ARB2A: variants seen among roughly 807,000 people sequenced by gnomAD.
ARB2A encodes ARB2 cotranscriptional regulator A.
At chr5:94,072,366 A>ACG in the ARB2A span, among the ~76,000 whole-genome samples, 1 of 152,028 alleles carries the variant, frequency 6.6e-6, no homozygotes. Flanking sequence ...ACTCACACAC[A>ACG]CACACACACA....
At chr5:93,885,808 AT>A in the ARB2A span, among the ~76,000 whole-genome samples, 1 of 151,690 alleles carries the variant, frequency 6.6e-6, no homozygotes, top group African/African-American at 2.4e-5. Flanking sequence ...TAGACATAGC[AT>A]TTTATTCAGC....
the ARB2A span, among the ~76,000 whole-genome samples, chr5:93,822,470 G>A: frequency 6.6e-6 from 1 of 152,170 alleles, no homozygotes; most frequent in African/African-American, 2.4e-5. Flanking sequence ...TTAAAAAATG[G>A]GAATTTATGT....
chr5:94,067,318 A>G, the ARB2A span, among the ~76,000 whole-genome samples: 1 of 152,218 alleles, frequency 6.6e-6, no homozygotes, highest in African/African-American at 2.4e-5. Flanking sequence ...CCTATTCAGC[A>G]TGGTACAGAA....
chr5:94,034,937 A>T, the ARB2A span, among the ~76,000 whole-genome samples: 1 of 152,156 alleles, frequency 6.6e-6, no homozygotes, highest in Non-Finnish European at 1.5e-5. Context: ...CACGCAAGGG[A>T]TCTAGGTTGC....
the ARB2A span, chr5:93,910,694 G>T: frequency 2.6e-5 from 4 of 151,368 alleles, no homozygotes; most frequent in Non-Finnish European, 4.4e-5. Context: ...TAGCACAAAA[G>T]CTCTTTCTTT....
At chr5:93,690,718 A>G in the ARB2A span, among the ~76,000 whole-genome samples, 1 of 151,996 alleles carries the variant, frequency 6.6e-6, no homozygotes, top group African/African-American at 2.4e-5. Flanking sequence ...GGGACAGACT[A>G]CCTCCTCAAG....
At chr5:94,050,874 T>C in the ARB2A span, 6 of 1,292,250 alleles carry the variant, frequency 4.6e-6, no homozygotes, top group East Asian at 2.3e-5. Flanking sequence ...TCAAAGTATA[T>C]TGACAATAAT....
At chr5:93,793,998 G>A in the ARB2A span, among the ~76,000 whole-genome samples, 1 of 152,244 alleles carries the variant, frequency 6.6e-6, no homozygotes, top group Non-Finnish European at 1.5e-5. Flanking sequence ...GACAGCTGAA[G>A]GATGTCTGCT....
At chr5:93,695,704 T>C in the ARB2A span, among the ~76,000 whole-genome samples, 2 of 152,176 alleles carry the variant, frequency 1.3e-5, no homozygotes, top group Non-Finnish European at 2.9e-5. Flanking sequence ...CAAAGGATTA[T>C]AAATCATTCT....
chr5:93,840,353 C>T, the ARB2A span, among the ~76,000 whole-genome samples: 1 of 152,228 alleles, frequency 6.6e-6, no homozygotes, highest in Admixed American at 6.5e-5. Flanking sequence ...ATATAGCTGA[C>T]AAACGATAAA....
chr5:93,878,133 G>T, the ARB2A span, among the ~76,000 whole-genome samples: 1 of 152,086 alleles, frequency 6.6e-6, no homozygotes, highest in Non-Finnish European at 1.5e-5. Flanking sequence ...AACAATTGTA[G>T]TGCTGTTTGA....
At chr5:94,033,214 C>T in the ARB2A span, among the ~76,000 whole-genome samples, 1 of 152,128 alleles carries the variant, frequency 6.6e-6, no homozygotes, top group Non-Finnish European at 1.5e-5. Flanking sequence ...TTCTTTATAA[C>T]AGTGTGAGAA....
chr5:94,024,278 T>G, the ARB2A span, among the ~76,000 whole-genome samples: 1 of 152,068 alleles, frequency 6.6e-6, no homozygotes, highest in Non-Finnish European at 1.5e-5. Flanking sequence ...CTTAGCAAAA[T>G]AAAGGCTGAC....
chr5:94,101,870 T>C, the ARB2A span, among the ~76,000 whole-genome samples: 1 of 151,786 alleles, frequency 6.6e-6, no homozygotes, highest in Non-Finnish European at 1.5e-5. Flanking sequence ...GGTGATGTAG[T>C]AATATGTACA....
At chr5:93,842,807 T>C in the ARB2A span, among the ~76,000 whole-genome samples, 1 of 152,216 alleles carries the variant, frequency 6.6e-6, no homozygotes, top group African/African-American at 2.4e-5. Flanking sequence ...TCCACGTGCT[T>C]GGCAAATGTC....
At chr5:93,771,440 C>A in the ARB2A span, among the ~76,000 whole-genome samples, 21 of 150,728 alleles carry the variant, frequency 1.4e-4, no homozygotes, top group East Asian at 3.1e-3. Context: ...GCAACAAAAG[C>A]CAAAATTGAC....
At chr5:93,875,792 T>A in the ARB2A span, among the ~76,000 whole-genome samples, 1 of 149,678 alleles carries the variant, frequency 6.7e-6, no homozygotes, top group African/African-American at 2.5e-5. Flanking sequence ...TTTTAAAAGA[T>A]CTGGGGGCAA....
chr5:93,858,511 G>C, the ARB2A span, among the ~76,000 whole-genome samples: 1 of 152,172 alleles, frequency 6.6e-6, no homozygotes, highest in East Asian at 1.9e-4. Flanking sequence ...GGAGTAGAGA[G>C]GTCCTGGGAG....
At chr5:93,822,411 T>C in the ARB2A span, among the ~76,000 whole-genome samples, 6 of 152,286 alleles carry the variant, frequency 3.9e-5, no homozygotes, top group African/African-American at 1.4e-4. Context: ...CCAAAAGGAA[T>C]GTAAATTTTA....
Sources: allele counts gnomAD v4.1 joint callset (sites outside exome capture counted in the v4.1 genomes callset), GRCh38; gene constraint gnomAD v4.1.1; transcripts MANE v1.5; gene names NCBI Gene and HGNC (gene_info 2026-07-23, HGNC 2026-07-21).